The following UBE4B variants were observed in gnomAD, a reference collection of about 807,000 sequenced individuals.
UBE4B encodes the protein ubiquitination factor E4B.
Under a neutral mutation model 148.1 loss-of-function variants are expected in UBE4B, and 27 were observed. The ratio of observed to expected loss-of-function variants is 0.18; its 90% confidence interval spans 0.13 to 0.25. The LOEUF is 0.25. UBE4B is among the 10% of genes least tolerant of loss of function. The pLI is 1.00. For missense variants in UBE4B, 1,170 were observed against 1,662.4 expected, an observed-to-expected ratio of 0.70 and a Z score of 5.15; for synonymous variants, 596 against 619.3, an observed-to-expected ratio of 0.96 and a Z score of 0.56.
rs1180546571 is a variant in UBE4B, at chr1:10,033,572, A to G, written c.-99A>G. The G allele has an allele frequency of 1.5e-6, 2 of 1,366,198 alleles. No homozygotes were observed. Among genetic ancestry groups the G allele is most frequent in the Non-Finnish European group, 1.9e-6 (2 of 1,035,698 alleles). 84.6% of individuals were successfully genotyped at this position (1,366,198 alleles called of 1,614,324 possible). A position where few individuals can be genotyped will look rare whatever the true frequency, so the allele number is the denominator to read the frequency against. On this transcript the variant is annotated 5_prime_UTR_variant, in exon 1 of 28. Coordinates refer to ENST00000343090, the MANE Select transcript of UBE4B (RefSeq NM_001105562.3). ...TGAAACCTCCCCCATTCGGGGGACC[A>G]GACAGCCTGATAGACACCTTCCACT...
At chr1:10,099,305 G>T (rs1056492369) in intron 3 of UBE4B, among the ~76,000 whole-genome samples, 1 of 152,038 alleles carries the variant, frequency 6.6e-6, no homozygotes, top group African/African-American at 2.4e-5. Context: ...CTTATAAGAA[G>T]TGTATATTTA....
chr1:10,151,626 T>G, intron 21 of UBE4B, 65 bp downstream of exon 21: 1 of 1,393,348 alleles, frequency 7.2e-7, no homozygotes, highest in East Asian at 2.3e-5. Flanking sequence ...CTAAAGCTAG[T>G]GGACGACGTT....
At chr1:10,041,696 T>C (rs1643776359) in intron 1 of UBE4B, among the ~76,000 whole-genome samples, 1 of 151,134 alleles carries the variant, frequency 6.6e-6, no homozygotes, top group South Asian at 2.1e-4. Context: ...GTGGACTTTT[T>C]GTTTGTTTGT....
intron 2 of UBE4B, among the ~76,000 whole-genome samples, chr1:10,073,920 A>ATTTTTTTTTTTTTTTTTTT (rs947131085): frequency 4.0e-5 from 3 of 74,852 alleles, no homozygotes; most frequent in African/African-American, 5.6e-5. Context: ...CTTTCTTTCT[A>ATTTTTTTTTTTTTTTTTTT]TTTTTTTTTT....
intron 1 of UBE4B, among the ~76,000 whole-genome samples, chr1:10,050,721 C>CT (rs1174636299): frequency 0.019 from 2,574 of 133,388 alleles, 24 homozygotes; most frequent in Non-Finnish European, 0.026. Context: ...GACTCCTATT[C>CT]TTTTTTTTTT....
At chr1:10,080,398 G>GA (rs1274635497) in intron 2 of UBE4B, among the ~76,000 whole-genome samples, 3 of 150,160 alleles carry the variant, frequency 2.0e-5, no homozygotes, top group Non-Finnish European at 3.0e-5. Flanking sequence ...CCAGTGTGGT[G>GA]AGAGTGAGAA....
chr1:10,177,902 T>C (rs12733312), intron 25 of UBE4B, among the ~76,000 whole-genome samples: 39,368 of 151,868 alleles, frequency 0.26, 5,411 homozygotes, highest in Admixed American at 0.35. Flanking sequence ...GAACCTGGGC[T>C]TAGGAGGGTT....
Position 10,180,116 on chromosome 1 carries a change from A to C in UBE4B, c.*160A>C, listed in dbSNP as rs1023360437. The C allele has an allele frequency of 1.7e-5, 13 of 769,594 alleles. No homozygotes were observed. Among genetic ancestry groups the C allele is most frequent in the Non-Finnish European group, 2.5e-5 (12 of 475,326 alleles). The allele number at this position is 769,594 out of a possible 1,614,324, so 47.7% of individuals were successfully genotyped here. ...AGCAAACGCTGAGACCTGAAAGGAC[A>C]TGGATGAGAAGAGGAGCCCGCTTCC... On this transcript the variant is annotated 3_prime_UTR_variant, in exon 28 of 28. Transcript: ENST00000343090.
chr1:10,101,995 G>A (rs1158741990), intron 4 of UBE4B, among the ~76,000 whole-genome samples: 1 of 151,814 alleles, frequency 6.6e-6, no homozygotes, highest in African/African-American at 2.4e-5. Flanking sequence ...GTGTGTGTGT[G>A]TGTGTGTATT....
chr1:10,089,577 C>T (rs1188945424), intron 2 of UBE4B, among the ~76,000 whole-genome samples: 2 of 151,756 alleles, frequency 1.3e-5, no homozygotes, highest in African/African-American at 2.4e-5. Context: ...TTGTATTTTC[C>T]GTGAATATTA....
chr1:10,057,536 C>T (rs1019829650), intron 1 of UBE4B, among the ~76,000 whole-genome samples: 2 of 150,564 alleles, frequency 1.3e-5, no homozygotes, highest in African/African-American at 2.4e-5. Flanking sequence ...CCTGCCTGAG[C>T]CTCCTGAGTA....
rs745406800 is a variant in UBE4B at position 10,119,622 on chromosome 1, A to AC, written c.1439+12dup. On this transcript the variant is annotated intron_variant, in intron 9 of 27. Coordinates refer to ENST00000343090, the MANE Select transcript of UBE4B (RefSeq NM_001105562.3). ...TCCCTAACACAGCCCAGGTATGAAG[A>AC]CCCGTGACGTGCTTGACATTAGCAG... 1 of 1,610,672 alleles carries AC rather than the reference A, an allele frequency of 6.2e-7. No individual in the cohort carries two copies. Among genetic ancestry groups the AC allele is most frequent in the Admixed American group, 1.7e-5 (1 of 59,904 alleles).
intron 16 of UBE4B, 95 bp downstream of exon 16, chr1:10,135,281 T>C (rs1482447263): frequency 8.0e-7 from 1 of 1,244,546 alleles, no homozygotes; most frequent in Non-Finnish European, 1.1e-6. Flanking sequence ...CACCATAAAA[T>C]GAACTTAAGA....
chr1:10,102,958 C>T lies in UBE4B; in HGVS notation c.446C>T (p.Ser149Leu), dbSNP rs763757309. Residue 149 changes from serine (S) to leucine (L), a missense_variant, in exon 5 of 28, where the codon TCG becomes TTG. This residue lies in a region of UBE4B where 91 missense variants were observed against 120.5 expected (regional missense o/e 0.76). Transcript: ENST00000343090. ...KRSLSDKEPS[S>L]GPEVSEEQAL... ...CTTCTTCTTCACCAGGAGCCTTCCT[C>T]GGGCCCTGAAGTGTCTGAAGAGCAG... is the stretch of plus-strand genomic sequence containing the variant. 24 of 1,604,648 alleles carry T rather than the reference C, an allele frequency of 1.5e-5. No homozygotes were observed. The Admixed American group carries it at 1.7e-4, about 11-fold the overall frequency.
intron 1 of UBE4B, among the ~76,000 whole-genome samples, chr1:10,065,582 G>GCC (rs1644372640): frequency 6.6e-6 from 1 of 152,216 alleles, no homozygotes; most frequent in Non-Finnish European, 1.5e-5. Flanking sequence ...TGTGGAGTTT[G>GCC]CTCTGCCTCT....
At chr1:10,051,178 G>A (rs1644036578) in intron 1 of UBE4B, among the ~76,000 whole-genome samples, 1 of 152,092 alleles carries the variant, frequency 6.6e-6, no homozygotes, top group African/African-American at 2.4e-5. Flanking sequence ...CTCTTACCTG[G>A]ATTTTATTTG....
intron 1 of UBE4B, among the ~76,000 whole-genome samples, chr1:10,060,890 C>T (rs1321562495): frequency 4.0e-5 from 6 of 151,886 alleles, no homozygotes; most frequent in Non-Finnish European, 7.4e-5. Flanking sequence ...ACTACAGGCA[C>T]GTGCCACCAT....
intron 2 of UBE4B, among the ~76,000 whole-genome samples, chr1:10,080,747 T>C (rs754558866): frequency 6.6e-6 from 1 of 152,242 alleles, no homozygotes; most frequent in African/African-American, 2.4e-5. Flanking sequence ...AAAGAAATTC[T>C]GTCATTTGTG....
At chr1:10,115,162 T>C (rs760499450) in intron 7 of UBE4B, among the ~76,000 whole-genome samples, 8 of 148,750 alleles carry the variant, frequency 5.4e-5, no homozygotes, top group Non-Finnish European at 8.9e-5. Flanking sequence ...TTTAATACCA[T>C]ACTTTTTTTT....
Sources: allele counts gnomAD v4.1 joint callset (sites outside exome capture counted in the v4.1 genomes callset), GRCh38; gene constraint gnomAD v4.1.1; regional missense constraint gnomAD v4.1.1; transcripts MANE v1.5; gene names NCBI Gene and HGNC (gene_info 2026-07-23, HGNC 2026-07-21).